The following TMEM178B variants were observed in gnomAD, a reference collection of about 807,000 sequenced individuals.
TMEM178B encodes the protein transmembrane protein 178B.
Under a neutral mutation model 31.0 loss-of-function variants are expected in TMEM178B, and 5 were observed. The ratio of observed to expected loss-of-function variants is 0.16; its 90% CI spans 0.08 to 0.34. TMEM178B has a LOEUF of 0.34. Among genes scored for constraint, TMEM178B ranks in the 10% least tolerant of loss-of-function variants. The pLI, the probability that TMEM178B is intolerant of heterozygous loss-of-function variation, is 1.00. For missense variants in TMEM178B, 275 were observed against 400.3 expected, an observed-to-expected ratio of 0.69 and a Z score of 2.67; for synonymous variants, 164 against 164.0, an observed-to-expected ratio of 1.00 and a Z score of 0.00.
At chr7:141,425,433 G>A (rs1801295153) in intron 2 of TMEM178B, among the ~76,000 whole-genome samples, 1 of 152,192 alleles carries the variant, frequency 6.6e-6, no homozygotes, top group African/African-American at 2.4e-5. Context: ...TGGGGTAGCA[G>A]ATTGTACCAA....
chr7:141,187,459 T>C (rs2129184593), intron 1 of TMEM178B, among the ~76,000 whole-genome samples: 1 of 152,222 alleles, frequency 6.6e-6, no homozygotes, highest in South Asian at 2.1e-4. Flanking sequence ...ATATACCCAG[T>C]AATGGGATGG....
At chr7:141,220,525 G>A (rs1259265116) in intron 2 of TMEM178B, among the ~76,000 whole-genome samples, 3 of 151,896 alleles carry the variant, frequency 2.0e-5, no homozygotes, top group Non-Finnish European at 4.4e-5. Flanking sequence ...CCTAGGGGGA[G>A]GGAAGGGAGG....
chr7:141,356,046 A>G (rs1799812353), intron 2 of TMEM178B, among the ~76,000 whole-genome samples: 1 of 152,174 alleles, frequency 6.6e-6, no homozygotes. Flanking sequence ...ACATGATTTC[A>G]TGCTTTTTTA....
chr7:141,364,049 G>A (rs965682941), intron 2 of TMEM178B, among the ~76,000 whole-genome samples: 1 of 151,740 alleles, frequency 6.6e-6, no homozygotes, highest in African/African-American at 2.4e-5. Context: ...TATCTGTTTA[G>A]GCTTTTCTCA....
chr7:141,198,880 G>A (rs530681171), intron 1 of TMEM178B, among the ~76,000 whole-genome samples: 2 of 152,334 alleles, frequency 1.3e-5, no homozygotes, highest in East Asian at 3.9e-4. Context: ...CAGGGTGGTG[G>A]CAGCTCGCGG....
intron 2 of TMEM178B, among the ~76,000 whole-genome samples, chr7:141,408,991 T>G (rs1490420579): frequency 6.6e-6 from 1 of 151,922 alleles, no homozygotes; most frequent in African/African-American, 2.4e-5. Context: ...CAGGAAACAA[T>G]GAGAGAAAAG....
rs1799570240 is a variant in TMEM178B, at chr7:141,344,315, C to T, written c.497-93293C>T. The stretch of plus-strand genomic sequence containing the variant: ...GTAACTGGTCCTTAGCCACAGAGTT[C>T]AAGATGTTGGTTTCAGATCTCTGAC... On this transcript the variant is annotated intron_variant, in intron 2 of 3. Transcript: ENST00000565468. This position sits in a 1 kb window ranked among gnomAD's most constrained non-coding sequence, Gnocchi z 4.1. 6.6e-6 allele frequency among the ~76,000 whole-genome samples: 1 copy of T among 152,118 alleles called. No homozygotes were observed. Among genetic ancestry groups the T allele is most frequent in the Non-Finnish European group, 1.5e-5 (1 of 68,032 alleles).
chr7:141,180,415 G>T (rs527251797), intron 1 of TMEM178B, among the ~76,000 whole-genome samples: 2 of 138,378 alleles, frequency 1.4e-5, no homozygotes, highest in Non-Finnish European at 3.0e-5. Flanking sequence ...AGCTGAGATC[G>T]CACCACTGCG....
chr7:141,093,225 G>C (rs1303863856), intron 1 of TMEM178B, among the ~76,000 whole-genome samples: 1 of 152,204 alleles, frequency 6.6e-6, no homozygotes, highest in Non-Finnish European at 1.5e-5. Context: ...AGAGTACAGG[G>C]AGAAGAGACT....
intron 1 of TMEM178B, among the ~76,000 whole-genome samples, chr7:141,186,674 G>A (rs907498651): frequency 1.3e-5 from 2 of 152,206 alleles, no homozygotes; most frequent in African/African-American, 4.8e-5. Context: ...GGGCCATATG[G>A]CATGGGTGGC....
rs1390999160 is a variant in TMEM178B, at chr7:141,344,614, T to C, written c.497-92994T>C. Reference sequence around the variant, plus strand: ...TTCCTTCCTTCCTTCCTTCCTTCCTTCCTTCCTTCCTTCCTCCCTTCCTTC... The same window carrying C: ...TTCCTTCCTTCCTTCCTTCCTTCCTCCCTTCCTTCCTTCCTCCCTTCCTTC... On this transcript the variant is annotated intron_variant, in intron 2 of 3. Transcript: ENST00000565468. The surrounding 1 kb of genome is among the most constrained non-coding windows in gnomAD (Gnocchi z 4.1). Among the ~76,000 whole-genome samples, 2 of 146,322 alleles carry C rather than the reference T, an allele frequency of 1.4e-5. No individual in the cohort carries two copies. Among genetic ancestry groups the C allele is most frequent in the African/African-American group, 5.3e-5 (2 of 37,644 alleles).
chr7:141,157,316 C>G (rs936782953), intron 1 of TMEM178B, among the ~76,000 whole-genome samples: 5 of 152,130 alleles, frequency 3.3e-5, no homozygotes, highest in African/African-American at 4.8e-5. Flanking sequence ...CACCCTTCCT[C>G]CTCTCATGCT....
chr7:141,104,513 C>G (rs1317330214), intron 1 of TMEM178B, among the ~76,000 whole-genome samples: 3 of 152,238 alleles, frequency 2.0e-5, no homozygotes, highest in Non-Finnish European at 4.4e-5. Context: ...TGTCTCTGCC[C>G]TCTCAGCCCT....
chr7:141,316,077 A>T (rs1799000639), intron 2 of TMEM178B, among the ~76,000 whole-genome samples: 1 of 152,114 alleles, frequency 6.6e-6, no homozygotes, highest in Admixed American at 6.6e-5. Context: ...GGAATTTGCC[A>T]GTGGTCATAT....
At chr7:141,378,372 A>G (rs565790966) in intron 2 of TMEM178B, among the ~76,000 whole-genome samples, 5 of 152,112 alleles carry the variant, frequency 3.3e-5, no homozygotes, top group African/African-American at 1.2e-4. Context: ...TTCCCTTTCC[A>G]TACTTTATTC....
At chr7:141,425,010 T>G (rs879497143) in intron 2 of TMEM178B, among the ~76,000 whole-genome samples, 26 of 152,202 alleles carry the variant, frequency 1.7e-4, no homozygotes, top group Non-Finnish European at 3.2e-4. Flanking sequence ...TGTGTGACCT[T>G]GGCCAACTAA....
At chr7:141,339,072 C>T (rs1283964589) in intron 2 of TMEM178B, among the ~76,000 whole-genome samples, 1 of 152,108 alleles carries the variant, frequency 6.6e-6, no homozygotes, top group Non-Finnish European at 1.5e-5. Context: ...GGTTGTGGGG[C>T]CTTCACATGT....
chr7:141,357,676 TCA>T (rs1799844593), intron 2 of TMEM178B, among the ~76,000 whole-genome samples: 1 of 152,240 alleles, frequency 6.6e-6, no homozygotes, highest in Non-Finnish European at 1.5e-5. Flanking sequence ...TTTATATGCA[TCA>T]CTACTTCGAA....
At chr7:141,103,184 T>G (rs558491616) in intron 1 of TMEM178B, among the ~76,000 whole-genome samples, 1 of 152,242 alleles carries the variant, frequency 6.6e-6, no homozygotes, top group Non-Finnish European at 1.5e-5. Flanking sequence ...CCAGGTGGGG[T>G]CAACTCATCT....
Sources: allele counts gnomAD v4.1 joint callset (sites outside exome capture counted in the v4.1 genomes callset), GRCh38; gene constraint gnomAD v4.1.1; non-coding constraint Gnocchi (gnomAD v3.1); transcripts MANE v1.5; gene names NCBI Gene and HGNC (gene_info 2026-07-23, HGNC 2026-07-21).